The following DPF3 variants were observed in gnomAD, a reference collection of about 807,000 sequenced individuals.
DPF3 encodes the protein zinc finger protein DPF3.
In DPF3, 18 loss-of-function variants were observed where a neutral mutation model predicts 56.8. The ratio of observed to expected loss-of-function variants is 0.32; its 90% confidence interval spans 0.22 to 0.47. The LOEUF is 0.47. DPF3 is among the 20% of genes least tolerant of loss of function. The probability of loss-of-function intolerance (pLI) is 1.00; values close to 1 mark genes in which losing one functional copy is unlikely to be tolerated. For synonymous variants in DPF3, 188 were observed against 180.2 expected (o/e 1.04, Z -0.35); for missense variants, 403 against 488.8 (o/e 0.82, Z 1.65).
At chr14:72,662,289 C>T (rs773322639) in intron 8 of DPF3, 8 of 984,950 alleles carry the variant, frequency 8.1e-6, no homozygotes, top group Middle Eastern at 1.0e-3. Context: ...AAATGTGGGG[C>T]ATTTTTCTTT....
intron 1 of DPF3, among the ~76,000 whole-genome samples, chr14:72,869,764 C>T (rs991258841): frequency 2.6e-5 from 4 of 152,208 alleles, no homozygotes; most frequent in African/African-American, 7.2e-5. Context: ...TAGTCCCTCA[C>T]TATCAGGACT....
At chr14:72,886,455 C>T (rs1886550383) in intron 1 of DPF3, among the ~76,000 whole-genome samples, 1 of 152,118 alleles carries the variant, frequency 6.6e-6, no homozygotes, top group Non-Finnish European at 1.5e-5. Flanking sequence ...GCCATGATTT[C>T]AAGACCAGTC....
At chr14:72,817,765 C>T (rs17781594) in intron 1 of DPF3, among the ~76,000 whole-genome samples, 14,245 of 152,130 alleles carry the variant, frequency 0.094, 824 homozygotes, top group Admixed American at 0.18. Context: ...CTGAATGGGG[C>T]TGGAATTTCT....
intron 1 of DPF3, among the ~76,000 whole-genome samples, chr14:72,800,423 C>T (rs1487225957): frequency 1.0e-4 from 15 of 143,010 alleles, no homozygotes; most frequent in African/African-American, 4.0e-4. Context: ...GATGGATGGA[C>T]GGACACATGG....
intron 1 of DPF3, among the ~76,000 whole-genome samples, chr14:72,785,668 A>G (rs1316995523): frequency 6.6e-6 from 1 of 152,220 alleles, no homozygotes; most frequent in Non-Finnish European, 1.5e-5. Flanking sequence ...AAACTGCCAA[A>G]TAGCCCAGAA....
At chr14:72,636,340 C>A (rs1885383604) in intron 8 of DPF3, among the ~76,000 whole-genome samples, 1 of 152,184 alleles carries the variant, frequency 6.6e-6, no homozygotes, top group East Asian at 1.9e-4. Context: ...AATCATCATG[C>A]TACAGGGTAA....
At chr14:72,809,713 A>T (rs1882952309) in intron 1 of DPF3, among the ~76,000 whole-genome samples, 1 of 152,198 alleles carries the variant, frequency 6.6e-6, no homozygotes, top group African/African-American at 2.4e-5. Context: ...GTCCCACCCC[A>T]ATCTCTTATG....
chr14:72,711,585 A>G (rs999983323), intron 6 of DPF3, among the ~76,000 whole-genome samples: 2 of 152,020 alleles, frequency 1.3e-5, no homozygotes, highest in African/African-American at 4.8e-5. Flanking sequence ...TTAAGTGTAG[A>G]CCTGGAAGGG....
At chr14:72,854,240 C>A (rs1885093740) in intron 1 of DPF3, among the ~76,000 whole-genome samples, 2 of 152,116 alleles carry the variant, frequency 1.3e-5, no homozygotes, top group Admixed American at 1.3e-4. Flanking sequence ...GCTATAGTCC[C>A]AGCTACTCTT....
At chr14:72,882,382 G>C (rs899123891) in intron 1 of DPF3, among the ~76,000 whole-genome samples, 6 of 152,122 alleles carry the variant, frequency 3.9e-5, no homozygotes, top group Admixed American at 3.3e-4. Context: ...TAAGTCAAAA[G>C]CCAGCTATTT....
chr14:72,663,236 C>A (rs1886300677), intron 8 of DPF3, among the ~76,000 whole-genome samples: 1 of 151,158 alleles, frequency 6.6e-6, no homozygotes, highest in African/African-American at 2.4e-5. Context: ...AGTTAAAACA[C>A]CCCAGAAAGG....
intron 3 of DPF3, among the ~76,000 whole-genome samples, chr14:72,746,556 C>T (rs1419149315): frequency 3.3e-5 from 5 of 152,168 alleles, no homozygotes; most frequent in Non-Finnish European, 4.4e-5. Flanking sequence ...GGTGCTCTGC[C>T]ATGTGACAGT....
At position 72,718,315 on chromosome 14, in the gene DPF3, G is replaced by A. The variant is rs527307021; in HGVS notation, c.526-3814C>T. Among the ~76,000 whole-genome samples the A allele has an allele frequency of 7.2e-5, 11 of 152,236 alleles. No individual in the cohort carries two copies. In the South Asian group the frequency reaches 1.2e-3, roughly 17 times the overall value. On this transcript the variant is annotated intron_variant, in intron 5 of 10. Coordinates refer to ENST00000556509, the MANE Select transcript of DPF3 (RefSeq NM_001280542.3). ...AAAGACCCTTGACTAGGACAGACTC[G>A]GTCCCAAGCAGAGAGCTAGATCTTC...
intron 1 of DPF3, among the ~76,000 whole-genome samples, chr14:72,884,399 G>T (rs1189470128): frequency 6.6e-6 from 1 of 152,168 alleles, no homozygotes; most frequent in South Asian, 2.1e-4. Context: ...TAATATAGTA[G>T]GTATTATTGA....
In DPF3 at chr14:72,617,016, C is replaced by T. The variant is rs565368903; in HGVS notation, c.*2281G>A. Among the ~76,000 whole-genome samples, 31 of 152,296 alleles carry T rather than the reference C, an allele frequency of 2.0e-4. No individual in the cohort carries two copies. The highest frequency in any genetic ancestry group is 9.2e-4 in the Admixed American group (14 of 15,300). On this transcript the variant is annotated 3_prime_UTR_variant, in exon 11 of 11. Transcript: ENST00000556509. Reference sequence around the variant, plus strand: ...GAGGGGAACTCCGGGGCCATCCTAACGTCACTCCAGAGCCCTGACCCTCAC... The same window carrying T: ...GAGGGGAACTCCGGGGCCATCCTAATGTCACTCCAGAGCCCTGACCCTCAC...
chr14:72,690,615 GCACA>G (rs150119283), intron 7 of DPF3, among the ~76,000 whole-genome samples: 1 of 148,496 alleles, frequency 6.7e-6, no homozygotes, highest in African/African-American at 2.5e-5. Flanking sequence ...CAACATGCAC[GCACA>G]CACACACACA....
chr14:72,851,950 TCTTCAAAGCATAGAGCAAA>T (rs948070727), intron 1 of DPF3, among the ~76,000 whole-genome samples: 1 of 152,216 alleles, frequency 6.6e-6, no homozygotes, highest in African/African-American at 2.4e-5. Context: ...ATTCTCTCTC[TCTTCAAAGCATAGAGCAAA>T]CATCAATTAA....
chr14:72,836,176 G>C, intron 1 of DPF3: 2 of 986,160 alleles, frequency 2.0e-6, no homozygotes, highest in Non-Finnish European at 2.4e-6. Flanking sequence ...AGGGGTTGGA[G>C]CCTCTGGGGA....
chr14:72,624,899 G>A lies in DPF3; in HGVS notation c.984+4725C>T, dbSNP rs183080592. ...AAAGTAATGTTGTGCCCTTCTTGGC[G>A]CATCATATCGGGGGAAATTGAGGCC... On this transcript the variant is annotated intron_variant, in intron 9 of 10. Transcript: ENST00000556509. Among the ~76,000 whole-genome samples the A allele has an allele frequency of 9.2e-5, 14 of 152,248 alleles. 1 individual carries two copies. The highest frequency in any genetic ancestry group is 7.2e-4 in the Admixed American group (11 of 15,306).
Sources: gnomAD v4.1 joint callset for allele counts (sites outside exome capture counted in the v4.1 genomes callset) on GRCh38, gnomAD v4.1.1 for gene constraint, MANE v1.5 for transcripts, NCBI Gene and HGNC (gene_info 2026-07-23, HGNC 2026-07-21) for gene names.